Variants in BCL2L14 observed in about 807,000 individuals in gnomAD.
BCL2L14 encodes apoptosis facilitator Bcl-2-like protein 14.
Under a neutral mutation model 35.3 loss-of-function variants are expected in BCL2L14, and 27 were observed. The observed-to-expected ratio is 0.76, with a 90% CI of 0.56 to 1.05. BCL2L14 has a LOEUF of 1.05. Ranked by LOEUF, BCL2L14 falls within the 50% of genes least tolerant of loss-of-function variation. The probability of loss-of-function intolerance (pLI) is 0.00; values close to 1 mark genes in which losing one functional copy is unlikely to be tolerated. For missense variants in BCL2L14, 377 were observed against 382.6 expected (o/e 0.99, Z 0.12); for synonymous variants, 139 against 145.9 (o/e 0.95, Z 0.34).
intron 1 of BCL2L14, chr12:12,077,809 G>A (rs1948817094): frequency 4.7e-6 from 1 of 211,456 alleles, no homozygotes; most frequent in African/African-American, 2.3e-5. Context: ...AGAAGCCCAA[G>A]CTAATTCTTG....
intron 2 of BCL2L14, among the ~76,000 whole-genome samples, chr12:12,054,108 C>T (rs1227319054): frequency 2.0e-5 from 3 of 152,120 alleles, no homozygotes; most frequent in East Asian, 1.9e-4. Context: ...AATGTAATAC[C>T]TTATATAATC....
chr12:12,079,458 A>C lies in BCL2L14; in HGVS notation c.153A>C (p.Arg51Ser), dbSNP rs575710211. The C allele has an allele frequency of 3.4e-5, 55 of 1,614,188 alleles. No homozygotes were observed. The East Asian group carries it at 1.1e-3, about 33-fold the overall frequency. ...TCTCACCAAAGCTGCTGAGAACAAG[A>C]AGTTTGTCCCAGAGGGGCCTGGGGA... ...ALFSPKLLRT[R>S]SLSQRGLGNC... The change falls in exon 2 of 6, where the codon AGA (arginine) becomes AGC (serine). Residue 51 changes from arginine (R) to serine (S), a missense_variant. Transcript: ENST00000308721.
chr12:12,057,096 C>A (rs1238550214), intron 2 of BCL2L14, among the ~76,000 whole-genome samples: 1 of 152,128 alleles, frequency 6.6e-6, no homozygotes, highest in Non-Finnish European at 1.5e-5. Flanking sequence ...AAGGAGAAAA[C>A]TCCAACTACC....
chr12:12,080,163 T>C (rs951882198), intron 2 of BCL2L14, among the ~76,000 whole-genome samples: 2 of 150,620 alleles, frequency 1.3e-5, no homozygotes, highest in African/African-American at 2.4e-5. Context: ...CAAGATGGCA[T>C]CACTGCACTC....
chr12:12,098,145 A>G (rs1949356146), intron 5 of BCL2L14, among the ~76,000 whole-genome samples: 1 of 152,156 alleles, frequency 6.6e-6, no homozygotes. Flanking sequence ...GTGTGCTCAG[A>G]GTCCCTTAAC....
chr12:12,073,959 G>A (rs978863275), intron 1 of BCL2L14, among the ~76,000 whole-genome samples: 8 of 152,128 alleles, frequency 5.3e-5, no homozygotes, highest in African/African-American at 1.9e-4. Context: ...TCAGGTCTCA[G>A]TGTGTCTCAG....
In BCL2L14 at chr12:12,074,107, TTATTA is replaced by T. The variant is rs759532057; in HGVS notation, c.-8+2974_-8+2978del. On this transcript the variant is annotated intron_variant, in intron 1 of 5. Transcript: ENST00000308721. ...TTTTATTTGGGACATATACTAATAT[TTATTA>T]TATATTAGTCTCATGATATTTGGGA... Among the ~76,000 whole-genome samples the T allele has an allele frequency of 1.7e-4, 26 of 152,304 alleles. No homozygotes were observed. The South Asian group carries it at 5.0e-3, about 29-fold the overall frequency.
chr12:12,084,639 AC>A (rs1384759286), intron 2 of BCL2L14, among the ~76,000 whole-genome samples: 1 of 137,074 alleles, frequency 7.3e-6, no homozygotes, highest in Admixed American at 7.4e-5. Flanking sequence ...CGCCTATCAG[AC>A]AGGACCAAGT....
intron 1 of BCL2L14, among the ~76,000 whole-genome samples, chr12:12,050,540 A>T (rs1168609818): frequency 2.0e-5 from 3 of 151,892 alleles, no homozygotes; most frequent in African/African-American, 7.2e-5. Context: ...CTTATTAGTG[A>T]GGAGTCTGCA....
upstream of BCL2L14, chr12:12,068,184 GTCC>G: frequency 2.5e-6 from 1 of 398,512 alleles, no homozygotes; most frequent in Non-Finnish European, 4.4e-6. Flanking sequence ...GACACAGTCT[GTCC>G]TCCTGCCTCA....
intron 2 of BCL2L14, among the ~76,000 whole-genome samples, chr12:12,053,420 CTTCTTT>C (rs1948386697): frequency 2.3e-5 from 1 of 42,932 alleles, no homozygotes; most frequent in Non-Finnish European, 4.8e-5. Flanking sequence ...ACTTCTTCTT[CTTCTTT>C]TTTTTTTTTT....
intron 5 of BCL2L14, among the ~76,000 whole-genome samples, chr12:12,097,941 A>C (rs906750318): frequency 6.6e-6 from 1 of 152,224 alleles, no homozygotes; most frequent in African/African-American, 2.4e-5. Context: ...AGTTATCATA[A>C]ACCTTAATCT....
chr12:12,079,932 C>T lies in BCL2L14; in HGVS notation c.433+194C>T, dbSNP rs556632687. 1.0e-3 allele frequency among the ~76,000 whole-genome samples: 158 copies of T among 152,320 alleles called. 2 individuals are homozygous for T. In the South Asian group the frequency reaches 0.025, roughly 24 times the overall value. ...ACTAAAAGGAGTTGCTGCCTGGGCG[C>T]GGTGGCTCACGCCTGTAATCCCAGC... On this transcript the variant is annotated intron_variant, in intron 2 of 5. Transcript: ENST00000308721.
intron 1 of BCL2L14, 24 bp from the exon 2 acceptor site, chr12:12,079,275 A>G (rs778583625): frequency 1.9e-6 from 3 of 1,596,784 alleles, no homozygotes; most frequent in Non-Finnish European, 8.5e-7. Flanking sequence ...ATAGAAGGGC[A>G]CAGTGTGGAC....
chr12:12,065,913 C>T (rs1023117501), intron 2 of BCL2L14, among the ~76,000 whole-genome samples: 4 of 151,974 alleles, frequency 2.6e-5, no homozygotes, highest in African/African-American at 9.7e-5. Flanking sequence ...GCCTCAGCCT[C>T]CTGAGTAGCT....
At chr12:12,092,842 G>A (rs1044494386) in intron 4 of BCL2L14, among the ~76,000 whole-genome samples, 1 of 152,200 alleles carries the variant, frequency 6.6e-6, no homozygotes, top group East Asian at 1.9e-4. Context: ...TCTCCCAATC[G>A]CATCTGACTC....
chr12:12,098,013 A>T (rs1255004675), intron 5 of BCL2L14, among the ~76,000 whole-genome samples: 3 of 152,072 alleles, frequency 2.0e-5, no homozygotes, highest in Non-Finnish European at 4.4e-5. Context: ...GAGAGGGGAG[A>T]CAAAGAATGT....
intron 2 of BCL2L14, among the ~76,000 whole-genome samples, chr12:12,083,057 T>A (rs942093354): frequency 6.6e-6 from 1 of 152,168 alleles, no homozygotes; most frequent in Admixed American, 6.5e-5. Flanking sequence ...CTCTGCCTCC[T>A]GGGTTCACAC....
Position 12,094,839 on chromosome 12 carries a change from T to C in BCL2L14, c.854T>C (p.Ile285Thr), listed in dbSNP as rs915137823. 9.9e-6 allele frequency: 16 copies of C among 1,614,154 alleles called. No individual in the cohort carries two copies. Among genetic ancestry groups the C allele is most frequent in the African/African-American group, 2.7e-5 (2 of 75,032 alleles). ...VIDVTAKLTA[I>T]DNHPMNRVLG... The stretch of plus-strand genomic sequence containing the variant: ...GACGTCACGGCCAAGCTCACAGCTA[T>C]TGACAACCACCCGATGAACAGGGTC... The change falls in exon 5 of 6, where the codon ATT becomes ACT. Residue 285 changes from isoleucine to threonine, a missense_variant. Ile to Thr is a moderately conservative substitution (Grantham distance 89). Coordinates refer to ENST00000308721, the MANE Select transcript of BCL2L14 (RefSeq NM_138723.2).
Sources: allele counts gnomAD v4.1 joint callset (sites outside exome capture counted in the v4.1 genomes callset), GRCh38; gene constraint gnomAD v4.1.1; transcripts MANE v1.5; gene names NCBI Gene and HGNC (gene_info 2026-07-23, HGNC 2026-07-21).